LPP: variants seen among roughly 807,000 people sequenced by gnomAD.
LPP encodes the protein lipoma-preferred partner.
A neutral mutation model predicts 60.4 loss-of-function variants in LPP; 38 were observed. The observed-to-expected ratio is 0.63, with a 90% CI of 0.49 to 0.83. The LOEUF is 0.83. LPP is among the 40% of genes least tolerant of loss of function. The pLI is 0.00. For missense variants in LPP, 902 were observed against 783.6 expected, an observed-to-expected ratio of 1.15 and a Z score of -1.80; for synonymous variants, 328 against 290.8, an observed-to-expected ratio of 1.13 and a Z score of -1.30.
chr3:188,615,213 A>T (rs1844621596), intron 7 of LPP, among the ~76,000 whole-genome samples: 1 of 152,194 alleles, frequency 6.6e-6, no homozygotes, highest in African/African-American at 2.4e-5. Context: ...ATCTCTCCCC[A>T]GTATCCTGGA....
chr3:188,274,377 A>T (rs1196432336), intron 2 of LPP, among the ~76,000 whole-genome samples: 1 of 152,192 alleles, frequency 6.6e-6, no homozygotes, highest in East Asian at 1.9e-4. Context: ...CCAGACTGTA[A>T]ATTCCTTGAG....
chr3:188,283,120 G>A (rs907347389), intron 2 of LPP, among the ~76,000 whole-genome samples: 32 of 152,248 alleles, frequency 2.1e-4, no homozygotes, highest in African/African-American at 7.7e-4. Context: ...CTCTCTAGAG[G>A]CACAAGGAGA....
At chr3:188,420,133 A>G (rs1787403362) in intron 4 of LPP, among the ~76,000 whole-genome samples, 1 of 152,094 alleles carries the variant, frequency 6.6e-6, no homozygotes, top group South Asian at 2.1e-4. Flanking sequence ...CATATAGCTC[A>G]TGCTGACCAT....
intron 2 of LPP, among the ~76,000 whole-genome samples, chr3:188,266,835 T>C (rs957893668): frequency 6.6e-6 from 1 of 152,170 alleles, no homozygotes; most frequent in Non-Finnish European, 1.5e-5. Flanking sequence ...TTGCCGTTAC[T>C]GAGCAGATTA....
At chr3:188,340,736 A>G (rs1286515840) in intron 2 of LPP, among the ~76,000 whole-genome samples, 1 of 152,130 alleles carries the variant, frequency 6.6e-6, no homozygotes, top group African/African-American at 2.4e-5. Flanking sequence ...AAAATCTTAA[A>G]AGTTTTTGGG....
chr3:188,593,375 A>G (rs183191259), intron 6 of LPP, among the ~76,000 whole-genome samples: 1,983 of 152,262 alleles, frequency 0.013, 28 homozygotes, highest in Middle Eastern at 0.017. Flanking sequence ...TAAAGAGAGG[A>G]AAATGAGGAA....
chr3:188,357,190 C>T (rs992157017), intron 3 of LPP, among the ~76,000 whole-genome samples: 1 of 152,086 alleles, frequency 6.6e-6, no homozygotes, highest in Non-Finnish European at 1.5e-5. Context: ...GTGACACTAA[C>T]AAAAAGCCTT....
chr3:188,602,134 C>G (rs1288913045), intron 6 of LPP, among the ~76,000 whole-genome samples: 2 of 111,352 alleles, frequency 1.8e-5, no homozygotes, highest in Non-Finnish European at 3.9e-5. Flanking sequence ...ATATAGCATT[C>G]TTAATCTCAT....
At chr3:188,731,829 T>A (rs1720728512) in intron 8 of LPP, among the ~76,000 whole-genome samples, 1 of 152,162 alleles carries the variant, frequency 6.6e-6, no homozygotes, top group African/African-American at 2.4e-5. Context: ...GCCTGTCTAA[T>A]CTTTTATTTA....
intron 3 of LPP, among the ~76,000 whole-genome samples, chr3:188,370,618 AT>A (rs1560309520): frequency 2.0e-5 from 3 of 152,038 alleles, no homozygotes; most frequent in African/African-American, 7.2e-5. Flanking sequence ...AGTTTACGCA[AT>A]TTGTTTTCCG....
At chr3:188,441,604 C>CTTTTTTTTTTTTTTTT (rs1793873957) in intron 4 of LPP, among the ~76,000 whole-genome samples, 1 of 39,972 alleles carries the variant, frequency 2.5e-5, no homozygotes, top group Non-Finnish European at 4.8e-5. Context: ...TTTTTCTTTT[C>CTTTTTTTTTTTTTTTT]TTTTCTTTTT....
intron 9 of LPP, among the ~76,000 whole-genome samples, chr3:188,862,862 ACTTT>A (rs1371628228): frequency 2.0e-5 from 3 of 152,004 alleles, no homozygotes; most frequent in Non-Finnish European, 4.4e-5. Context: ...TTGCTTAAAG[ACTTT>A]CTTTTTTTTC....
chr3:188,794,577 C>T (rs752811409), intron 9 of LPP, among the ~76,000 whole-genome samples: 2 of 151,984 alleles, frequency 1.3e-5, no homozygotes, highest in African/African-American at 4.8e-5. Context: ...GTTAGAAAAA[C>T]GATTTGTTGG....
chr3:188,189,000 T>C (rs1425878646), intron 1 of LPP, among the ~76,000 whole-genome samples: 1 of 152,192 alleles, frequency 6.6e-6, no homozygotes. Context: ...TTTTGGTTAG[T>C]GGGTGATAAT....
chr3:188,624,811 T>TTCC (rs1560662498), intron 7 of LPP, among the ~76,000 whole-genome samples: 1 of 45,546 alleles, frequency 2.2e-5, no homozygotes, highest in Non-Finnish European at 4.5e-5. Context: ...TCCTTCCTTC[T>TTCC]CTCTCTTTCT....
chr3:188,542,767 C>A (rs1432869867), intron 6 of LPP, among the ~76,000 whole-genome samples: 1 of 151,972 alleles, frequency 6.6e-6, no homozygotes, highest in Non-Finnish European at 1.5e-5. Flanking sequence ...TGAGTTGAGC[C>A]AAGAGCAATG....
At chr3:188,308,325 A>G (rs1752185540) in intron 2 of LPP, among the ~76,000 whole-genome samples, 1 of 152,148 alleles carries the variant, frequency 6.6e-6, no homozygotes, top group African/African-American at 2.4e-5. Context: ...TAAATGAAAA[A>G]CTGTCTATAA....
intron 9 of LPP, among the ~76,000 whole-genome samples, chr3:188,789,141 C>T (rs1742868920): frequency 1.3e-5 from 2 of 151,708 alleles, no homozygotes; most frequent in African/African-American, 4.8e-5. Flanking sequence ...AAGGTATGTA[C>T]ATTGTTATTT....
intron 7 of LPP, among the ~76,000 whole-genome samples, chr3:188,623,184 ATTAG>A (rs1442758058): frequency 1.3e-5 from 2 of 151,782 alleles, no homozygotes; most frequent in Admixed American, 1.3e-4. Context: ...GAAGCACCCA[ATTAG>A]TTATTATTTC....
Sources: gnomAD v4.1 joint callset for allele counts (sites outside exome capture counted in the v4.1 genomes callset) on GRCh38, gnomAD v4.1.1 for gene constraint, MANE v1.5 for transcripts, NCBI Gene and HGNC (gene_info 2026-07-23, HGNC 2026-07-21) for gene names.